NTNG1: variants seen among roughly 807,000 people sequenced by gnomAD.
The protein encoded by NTNG1 is netrin-G1.
NTNG1 carries 16 observed loss-of-function variants against 54.0 expected under a neutral mutation model. The observed-to-expected ratio is 0.30, with a 90% confidence interval of 0.20 to 0.45. The LOEUF (loss-of-function observed/expected upper bound fraction) is 0.45, where lower values mean the gene tolerates loss of function less well. Ranked by LOEUF, NTNG1 falls within the 20% of genes least tolerant of loss-of-function variation. The pLI is 1.00. For synonymous variants in NTNG1, 255 were observed against 263.1 expected, an observed-to-expected ratio of 0.97 and a Z score of 0.30; for missense variants, 530 against 678.7, an observed-to-expected ratio of 0.78 and a Z score of 2.43.
chr1:107,159,086 GA>G (rs1256298891), intron 2 of NTNG1, among the ~76,000 whole-genome samples: 9 of 152,162 alleles, frequency 5.9e-5, no homozygotes, highest in Admixed American at 3.9e-4. Flanking sequence ...TCTCTCAAGA[GA>G]GAACAGAATC....
At chr1:107,162,060 T>G (rs1655447294) in intron 2 of NTNG1, among the ~76,000 whole-genome samples, 1 of 152,116 alleles carries the variant, frequency 6.6e-6, no homozygotes, top group South Asian at 2.1e-4. Flanking sequence ...TATGTATATA[T>G]TTTATTGTAT....
intron 2 of NTNG1, among the ~76,000 whole-genome samples, chr1:107,247,656 C>A (rs145759939): frequency 7.9e-5 from 12 of 152,266 alleles, no homozygotes; most frequent in African/African-American, 2.6e-4. Context: ...TTGTCGGGTT[C>A]CTGAATGTCA....
At chr1:107,392,483 G>T (rs1290432451) in intron 3 of NTNG1, among the ~76,000 whole-genome samples, 4 of 152,040 alleles carry the variant, frequency 2.6e-5, no homozygotes, top group Non-Finnish European at 5.9e-5. Flanking sequence ...AGGCTGAAGA[G>T]GTTCCTGAAA....
intron 7 of NTNG1, among the ~76,000 whole-genome samples, chr1:107,480,088 ATCCCCATGCC>A (rs2101616385): frequency 6.7e-6 from 1 of 148,282 alleles, no homozygotes; most frequent in East Asian, 2.0e-4. Flanking sequence ...ACCCCTCCTC[ATCCCCATGCC>A]TCCCGGTGGG....
chr1:107,380,023 A>G (rs1027756999), intron 3 of NTNG1, among the ~76,000 whole-genome samples: 1 of 152,228 alleles, frequency 6.6e-6, no homozygotes, highest in African/African-American at 2.4e-5. Context: ...GGCCTGTTCA[A>G]CTTGACTGGC....
chr1:107,478,027 C>T (rs1678444720), intron 7 of NTNG1, among the ~76,000 whole-genome samples: 1 of 152,174 alleles, frequency 6.6e-6, no homozygotes, highest in South Asian at 2.1e-4. Flanking sequence ...GTTGAGCACA[C>T]TGAAGAAGAG....
At chr1:107,454,577 C>CA (rs1676822412) in intron 7 of NTNG1, among the ~76,000 whole-genome samples, 1 of 152,018 alleles carries the variant, frequency 6.6e-6, no homozygotes, top group South Asian at 2.1e-4. Flanking sequence ...ACCAATTCCT[C>CA]AAACCTGTCA....
intron 7 of NTNG1, among the ~76,000 whole-genome samples, chr1:107,444,585 G>C (rs961169766): frequency 6.6e-6 from 1 of 152,148 alleles, no homozygotes; most frequent in Non-Finnish European, 1.5e-5. Context: ...TCAGAGAGGG[G>C]CCTCCACTTT....
intron 7 of NTNG1, among the ~76,000 whole-genome samples, chr1:107,442,007 AC>A (rs1410490410): frequency 6.6e-6 from 1 of 152,166 alleles, no homozygotes; most frequent in African/African-American, 2.4e-5. Flanking sequence ...ATTGTAGACC[AC>A]TAGACCATTT....
In NTNG1 at chr1:107,290,992, C is replaced by CAT. The variant is rs1553218786; in HGVS notation, c.247-33289_247-33288insTA. 2.2e-4 allele frequency among the ~76,000 whole-genome samples: 31 copies of CAT among 144,008 alleles called. 1 individual carries two copies. Among genetic ancestry groups the CAT allele is most frequent in the Admixed American group, 2.1e-3 (30 of 14,594 alleles). The allele number at this position is 144,008 out of a possible 152,430, so 94.5% of individuals were successfully genotyped here. On this transcript the variant is annotated intron_variant, in intron 2 of 7. Transcript: ENST00000370068. ...ATATATATATATATATATACACACA[C>CAT]ACATACATACACACGCATATATATG...
chr1:107,211,085 ACT>A lies in NTNG1; in HGVS notation c.246+62249_246+62250del, dbSNP rs148455959. On this transcript the variant is annotated intron_variant, in intron 2 of 7. Transcript: ENST00000370068. ...TCATACATATTCTCTGTAATTTAGAACTCTAATTATTTCATATGTGTTGGTTT... is the reference window on the plus strand; with the variant it reads ...TCATACATATTCTCTGTAATTTAGAACTAATTATTTCATATGTGTTGGTTT... Among the ~76,000 whole-genome samples the A allele has an allele frequency of 4.8e-3, 727 of 152,102 alleles. 4 individuals carry two copies. The highest frequency in any genetic ancestry group is 0.017 in the African/African-American group (694 of 41,498).
chr1:107,478,593 T>C lies in NTNG1; in HGVS notation c.1391-2018T>C, dbSNP rs183507190. On this transcript the variant is annotated intron_variant, in intron 7 of 7. Coordinates refer to ENST00000370068, the MANE Select transcript of NTNG1 (RefSeq NM_001113226.3). Reference sequence around the variant, plus strand: ...TTAACTATTGATTTCTTCTCAATTATTCAAGGCAAGCAATTATCGATATTG... The same window carrying C: ...TTAACTATTGATTTCTTCTCAATTACTCAAGGCAAGCAATTATCGATATTG... 2.0e-5 allele frequency among the ~76,000 whole-genome samples: 3 copies of C among 152,310 alleles called. No homozygotes were observed. The East Asian group carries it at 5.8e-4, about 29-fold the overall frequency.
intron 2 of NTNG1, among the ~76,000 whole-genome samples, chr1:107,211,624 A>G (rs1180860614): frequency 6.6e-6 from 1 of 152,126 alleles, no homozygotes; most frequent in Admixed American, 6.6e-5. Context: ...AGCTGACAGA[A>G]AGCAGGTGAT....
chr1:107,361,419 C>T (rs1345685308), intron 3 of NTNG1, among the ~76,000 whole-genome samples: 6 of 104,580 alleles, frequency 5.7e-5, no homozygotes, highest in South Asian at 2.9e-4. Flanking sequence ...GACACAGTTT[C>T]GCTCTTGTTG....
At chr1:107,226,086 A>G (rs1660655382) in intron 2 of NTNG1, among the ~76,000 whole-genome samples, 1 of 152,194 alleles carries the variant, frequency 6.6e-6, no homozygotes, top group Non-Finnish European at 1.5e-5. Flanking sequence ...AAAGTTATAT[A>G]GCTTGTGAGA....
At chr1:107,369,422 CT>C (rs1221898627) in intron 3 of NTNG1, among the ~76,000 whole-genome samples, 17 of 152,128 alleles carry the variant, frequency 1.1e-4, no homozygotes, top group Admixed American at 2.0e-4. Flanking sequence ...GAGGGTCAGT[CT>C]TTTTAATTTT....
chr1:107,377,719 A>G (rs1256279840), intron 3 of NTNG1, among the ~76,000 whole-genome samples: 1 of 152,236 alleles, frequency 6.6e-6, no homozygotes, highest in Non-Finnish European at 1.5e-5. Context: ...GTATCTACCA[A>G]GGACAAGTCA....
intron 2 of NTNG1, among the ~76,000 whole-genome samples, chr1:107,264,114 A>G (rs1010093113): frequency 7.2e-5 from 11 of 152,074 alleles, no homozygotes; most frequent in African/African-American, 2.2e-4. Flanking sequence ...CCATGCCACC[A>G]TCTTTCCTTC....
At chr1:107,343,415 G>A (rs1258725999) in intron 3 of NTNG1, among the ~76,000 whole-genome samples, 1 of 152,038 alleles carries the variant, frequency 6.6e-6, no homozygotes, top group Admixed American at 6.6e-5. Flanking sequence ...AATTAACTAT[G>A]GATGAAGATC....
Sources: gnomAD v4.1 joint callset for allele counts (sites outside exome capture counted in the v4.1 genomes callset) on GRCh38, gnomAD v4.1.1 for gene constraint, MANE v1.5 for transcripts, NCBI Gene and HGNC (gene_info 2026-07-23, HGNC 2026-07-21) for gene names.